Variants in SGSH observed in about 807,000 individuals in gnomAD.
SGSH encodes heparan sulfate sulfatase.
A neutral mutation model predicts 51.0 loss-of-function variants in SGSH; 48 were observed. The observed-to-expected ratio is 0.94, with a 90% CI of 0.75 to 1.20. The LOEUF (loss-of-function observed/expected upper bound fraction) is 1.20, where lower values mean the gene tolerates loss of function less well. Among genes scored for constraint, SGSH ranks in the 50% most tolerant of loss-of-function variants. The pLI is 0.00. For synonymous variants in SGSH, 321 were observed against 313.4 expected, an observed-to-expected ratio of 1.02 and a Z score of -0.26; for missense variants, 662 against 717.8, an observed-to-expected ratio of 0.92 and a Z score of 0.89.
At position 80,209,740 on chromosome 17, in the gene SGSH, C is replaced by T; in HGVS notation, c.*712G>A. On this transcript the variant is annotated 3_prime_UTR_variant, in exon 8 of 8. Coordinates refer to ENST00000326317, the MANE Select transcript of SGSH (RefSeq NM_000199.5). Reference sequence around the variant, plus strand: ...AAGCCAGAGGACGGGCATCGCCATGCCTTCATCTTCGGACACTCTCAAAAA... The same window carrying T: ...AAGCCAGAGGACGGGCATCGCCATGTCTTCATCTTCGGACACTCTCAAAAA... 1.0e-6 allele frequency: 1 copy of T among 985,670 alleles called. No individual in the cohort carries two copies. 61.1% of individuals were successfully genotyped at this position (985,670 alleles called of 1,614,324 possible).
downstream of SGSH, chr17:80,208,458 C>G: frequency 1.0e-6 from 1 of 991,756 alleles, no homozygotes; most frequent in South Asian, 1.8e-5. Context: ...CACATGAGGC[C>G]GGCTCTCCCC....
At chr17:80,204,076 A>T, downstream of SGSH, 1 of 847,468 alleles carries the variant, frequency 1.2e-6, no homozygotes. Context: ...AGGCTCTTGC[A>T]CAAGTGCAGA....
rs1021732795 is a variant in SGSH at position 80,209,556 on chromosome 17, G to A, written c.*896C>T. ...CAAGAATTAACCCAAGCCAGAGGAC[G>A]GGCATCGCCACCCAGCAACGCCAGT... On this transcript the variant is annotated 3_prime_UTR_variant, in exon 8 of 8. Transcript: ENST00000326317. 1.0e-5 allele frequency: 10 copies of A among 984,876 alleles called. No homozygotes were observed. Among genetic ancestry groups the A allele is most frequent in the Non-Finnish European group, 1.1e-5 (9 of 829,712 alleles). The allele number at this position is 984,876 out of a possible 1,614,324, so 61.0% of individuals were successfully genotyped here.
chr17:80,215,056 AGCAGCAGCG>A lies in SGSH; in HGVS notation c.323_331del (p.Pro108_Leu110del), dbSNP rs1403643802. The A allele has an allele frequency of 1.2e-6, 2 of 1,611,630 alleles. No homozygotes were observed. Among genetic ancestry groups the A allele is most frequent in the African/African-American group, 2.7e-5 (2 of 74,928 alleles). ...ACCTGTGCGCACACCAGCTTGGCTG[AGCAGCAGCG>A]GCAGGCTCCGCACCTTGTCGAAGGA... On this transcript the variant is annotated inframe_deletion, in exon 3 of 8. Transcript: ENST00000326317.
At chr17:80,206,455 A>G (rs1161760464), downstream of SGSH, among the ~76,000 whole-genome samples, 1 of 152,192 alleles carries the variant, frequency 6.6e-6, no homozygotes, top group African/African-American at 2.4e-5. Context: ...TCTCTACAAA[A>G]CATTTAAAAG....
At chr17:80,205,833 G>GT (rs1268910993), downstream of SGSH, 21 of 539,418 alleles carry the variant, frequency 3.9e-5, no homozygotes, top group African/African-American at 3.8e-4. Context: ...TAGGATCCAC[G>GT]TGACTGTGGG....
downstream of SGSH, chr17:80,208,314 A>T (rs1034254088): frequency 1.2e-6 from 2 of 1,606,008 alleles, no homozygotes; most frequent in Admixed American, 1.7e-5. Context: ...GAGCAGAAGA[A>T]GGTGGTGTGG....
downstream of SGSH, chr17:80,209,269 T>C (rs1011667097): frequency 2.7e-5 from 26 of 965,234 alleles, no homozygotes; most frequent in Non-Finnish European, 3.0e-5. Flanking sequence ...GTTGGTATCA[T>C]CATAAATGAG....
In SGSH at chr17:80,212,330, G is replaced by A. The variant is rs906723846; in HGVS notation, c.746-56C>T. 1.8e-5 allele frequency: 27 copies of A among 1,488,046 alleles called. No individual in the cohort carries two copies. Among genetic ancestry groups the A allele is most frequent in the Non-Finnish European group, 2.5e-5 (27 of 1,088,780 alleles). The allele number at this position is 1,488,046 out of a possible 1,614,324, so 92.2% of individuals were successfully genotyped here. ...GCCGCAGACACGGAGGGAGGCAGCG[G>A]GTGGTGTGTGTAGACCCACCTGCTG... On this transcript the variant is annotated intron_variant, in intron 6 of 7. Coordinates refer to ENST00000326317, the MANE Select transcript of SGSH (RefSeq NM_000199.5). This position sits in a 1 kb window ranked among gnomAD's most constrained non-coding sequence, Gnocchi z 5.9.
At chr17:80,209,156 G>A, downstream of SGSH, 1 of 268,536 alleles carries the variant, frequency 3.7e-6, no homozygotes, top group South Asian at 1.4e-4. Context: ...GAGGACCCAG[G>A]TCCGCCAGCA....
downstream of SGSH, chr17:80,204,967 C>G (rs2041202853): frequency 7.3e-7 from 1 of 1,370,540 alleles, no homozygotes; most frequent in East Asian, 2.5e-5. Context: ...CCAGTCCCTC[C>G]CGGGGCAGGG....
intron 2 of SGSH, 71 bp from the exon 3 acceptor site, chr17:80,215,209 A>C: frequency 1.7e-6 from 2 of 1,162,524 alleles, no homozygotes; most frequent in Admixed American, 1.9e-5. Context: ...CTGTTCTCCC[A>C]CGGCCCTCCC....
At chr17:80,214,865 G>C (rs1216909293) in intron 3 of SGSH, 100 bp from the exon 4 acceptor site, 26 of 1,447,216 alleles carry the variant, frequency 1.8e-5, no homozygotes, top group Non-Finnish European at 2.1e-5. Context: ...GTGGGTTCTC[G>C]TGGACACACA....
In SGSH at chr17:80,210,843, G is replaced by T. The variant is rs768673952; in HGVS notation, c.1118C>A (p.Ser373Tyr). 6.2e-7 allele frequency: 1 copy of T among 1,613,922 alleles called. No individual in the cohort carries two copies. The highest frequency in any genetic ancestry group is 1.3e-5 in the African/African-American group (1 of 75,064). ...GSQSHHEVTM[S>Y]YPMRSVQHRH... The stretch of plus-strand genomic sequence containing the variant: ...GTGCTGCACGGAGCGCATGGGGTAG[G>T]ACATGGTGACCTCGTGGTGGCTCTG... Residue 373 changes from serine (S) to tyrosine (Y), a missense_variant, in exon 8 of 8, where the codon TCC becomes TAC. Physicochemically the swap from Ser to Tyr is moderately radical, Grantham distance 144. Coordinates refer to ENST00000326317, the MANE Select transcript of SGSH (RefSeq NM_000199.5).
In SGSH at chr17:80,212,309, C is replaced by T; in HGVS notation, c.746-35G>A. ...GGGGCCGAGAAGCAGAGCTCAGCCGCAGACACGGAGGGAGGCAGCGGGTGG... is the reference window on the plus strand; with the variant it reads ...GGGGCCGAGAAGCAGAGCTCAGCCGTAGACACGGAGGGAGGCAGCGGGTGG... On this transcript the variant is annotated intron_variant, in intron 6 of 7. Coordinates refer to ENST00000326317, the MANE Select transcript of SGSH (RefSeq NM_000199.5). The surrounding 1 kb of genome is among the most constrained non-coding windows in gnomAD (Gnocchi z 5.9). The T allele has an allele frequency of 6.4e-7, 1 of 1,562,220 alleles. No homozygotes were observed. The highest frequency in any genetic ancestry group is 8.7e-7 in the Non-Finnish European group (1 of 1,149,454).
Position 80,210,392 on chromosome 17 carries a change from G to C in SGSH, c.*60C>G. On this transcript the variant is annotated 3_prime_UTR_variant, in exon 8 of 8. Coordinates refer to ENST00000326317, the MANE Select transcript of SGSH (RefSeq NM_000199.5). Reference sequence around the variant, plus strand: ...ACTCCCCAGGCTGGCCGGCCACACGGACACGTGTGGGATGTGTCTGGGACA... The same window carrying C: ...ACTCCCCAGGCTGGCCGGCCACACGCACACGTGTGGGATGTGTCTGGGACA... 6.6e-7 allele frequency: 1 copy of C among 1,507,682 alleles called. No homozygotes were observed. Among genetic ancestry groups the C allele is most frequent in the Non-Finnish European group, 8.9e-7 (1 of 1,129,592 alleles). The allele number at this position is 1,507,682 out of a possible 1,614,324, so 93.4% of individuals were successfully genotyped here.
At chr17:80,207,138 C>A, downstream of SGSH, 2 of 1,337,610 alleles carry the variant, frequency 1.5e-6, no homozygotes, top group Non-Finnish European at 2.1e-6. Context: ...CCTGGGCTCC[C>A]CCAAAGCCCA....
downstream of SGSH, among the ~76,000 whole-genome samples, chr17:80,207,875 A>G (rs539179768): frequency 6.6e-6 from 1 of 152,176 alleles, no homozygotes; most frequent in Non-Finnish European, 1.5e-5. Flanking sequence ...AAAAAAAAAA[A>G]AAGTAAAAAA....
rs1431848082 is a variant in SGSH, at chr17:80,212,701, T to G, written c.746-427A>C. 3.4e-6 allele frequency: 1 copy of G among 293,816 alleles called. No individual in the cohort carries two copies. Among genetic ancestry groups the G allele is most frequent in the East Asian group, 8.8e-5 (1 of 11,428 alleles). The allele number at this position is 293,816 out of a possible 1,614,324, so 18.2% of individuals were successfully genotyped here. A position where few individuals can be genotyped will look rare whatever the true frequency, so the allele number is the denominator to read the frequency against. On this transcript the variant is annotated intron_variant, in intron 6 of 7. Coordinates refer to ENST00000326317, the MANE Select transcript of SGSH (RefSeq NM_000199.5). This position sits in a 1 kb window ranked among gnomAD's most constrained non-coding sequence, Gnocchi z 5.9. ...TCCTCTATACCCGCTCCTTCCCAGC[T>G]CACTAAGAATTAATGGCACCAATAG...
Sources: allele counts gnomAD v4.1 joint callset (sites outside exome capture counted in the v4.1 genomes callset), GRCh38; gene constraint gnomAD v4.1.1; non-coding constraint Gnocchi (gnomAD v3.1); transcripts MANE v1.5; gene names NCBI Gene and HGNC (gene_info 2026-07-23, HGNC 2026-07-21).